The following TMC1 variants were observed in gnomAD, a reference collection of about 807,000 sequenced individuals.
TMC1 encodes the protein transmembrane channel like 1.
TMC1 carries 84 observed loss-of-function variants against 105.8 expected under a neutral mutation model. The observed-to-expected ratio is 0.79, with a 90% CI of 0.67 to 0.95. The LOEUF is 0.95. TMC1 is among the 40% of genes least tolerant of loss of function. The pLI, the probability that TMC1 is intolerant of heterozygous loss-of-function variation, is 0.00. For synonymous variants in TMC1, 315 were observed against 311.5 expected (o/e 1.01, Z -0.12); for missense variants, 817 against 914.1 (o/e 0.89, Z 1.37).
At chr9:72,757,633 A>G (rs1827694041) in intron 12 of TMC1, among the ~76,000 whole-genome samples, 1 of 152,222 alleles carries the variant, frequency 6.6e-6, no homozygotes, top group African/African-American at 2.4e-5. Context: ...ATTTTATCCA[A>G]TATTTTAAGT....
chr9:72,591,432 G>A (rs1197112163), intron 2 of TMC1, among the ~76,000 whole-genome samples: 2 of 152,206 alleles, frequency 1.3e-5, no homozygotes, highest in African/African-American at 4.8e-5. Flanking sequence ...GTAGAAGGAA[G>A]TGTGAATATG....
intron 12 of TMC1, among the ~76,000 whole-genome samples, chr9:72,755,586 C>A (rs1588067728): frequency 6.6e-6 from 1 of 152,222 alleles, no homozygotes; most frequent in East Asian, 1.9e-4. Context: ...CCATTTTGGA[C>A]TATATGATTC....
At chr9:72,630,672 G>T (rs1002415950) in intron 4 of TMC1, among the ~76,000 whole-genome samples, 15 of 152,104 alleles carry the variant, frequency 9.9e-5, no homozygotes, top group Admixed American at 7.9e-4. Flanking sequence ...ATATATGTCT[G>T]CATATGTATC....
intron 2 of TMC1, among the ~76,000 whole-genome samples, chr9:72,582,949 A>C (rs1364774433): frequency 6.6e-6 from 1 of 152,188 alleles, no homozygotes; most frequent in African/African-American, 2.4e-5. Context: ...GGCTGGGCGC[A>C]GTGGTTCATG....
At chr9:72,603,864 T>G (rs1194574876) in intron 2 of TMC1, among the ~76,000 whole-genome samples, 4 of 144,970 alleles carry the variant, frequency 2.8e-5, no homozygotes, top group East Asian at 4.0e-4. Context: ...TTTTTTTTTT[T>G]TTTTTTTTTT....
At chr9:72,525,603 G>A (rs1201445365) in intron 1 of TMC1, among the ~76,000 whole-genome samples, 1 of 152,204 alleles carries the variant, frequency 6.6e-6, no homozygotes, top group Non-Finnish European at 1.5e-5. Flanking sequence ...AGAGCTTGTT[G>A]TAGATGACAA....
chr9:72,687,861 A>C lies in TMC1; in HGVS notation c.17-848A>C, dbSNP rs1826402686. Among the ~76,000 whole-genome samples, 3 of 152,312 alleles carry C rather than the reference A, an allele frequency of 2.0e-5. No individual in the cohort carries two copies. The South Asian group carries it at 6.2e-4, about 32-fold the overall frequency. Reference sequence around the variant, plus strand: ...TGATAAAATTCATGTTTTATAAGCAAGTTAATAGACTTCGATTATTAAGAA... The same window carrying C: ...TGATAAAATTCATGTTTTATAAGCACGTTAATAGACTTCGATTATTAAGAA... On this transcript the variant is annotated intron_variant, in intron 5 of 23. Coordinates refer to ENST00000297784, the MANE Select transcript of TMC1 (RefSeq NM_138691.3).
intron 4 of TMC1, among the ~76,000 whole-genome samples, chr9:72,646,174 GATC>G (rs1825708130): frequency 6.6e-6 from 1 of 152,064 alleles, no homozygotes; most frequent in South Asian, 2.1e-4. Context: ...ATGTACTGAT[GATC>G]ATATTTTGCA....
At chr9:72,753,899 C>G (rs2118063966) in intron 11 of TMC1, among the ~76,000 whole-genome samples, 1 of 152,286 alleles carries the variant, frequency 6.6e-6, no homozygotes, top group South Asian at 2.1e-4. Context: ...AACCCACCTT[C>G]TATTCTGTTC....
chr9:72,566,161 C>T (rs1253371986), intron 1 of TMC1, among the ~76,000 whole-genome samples: 2 of 152,200 alleles, frequency 1.3e-5, no homozygotes, highest in Non-Finnish European at 2.9e-5. Context: ...GCTGGGATTA[C>T]AGGCACGTGC....
chr9:72,803,498 A>G (rs1362437216), intron 17 of TMC1, among the ~76,000 whole-genome samples: 1 of 152,234 alleles, frequency 6.6e-6, no homozygotes, highest in Non-Finnish European at 1.5e-5. Context: ...CAAAGATCTA[A>G]TATCCAGAAT....
intron 5 of TMC1, among the ~76,000 whole-genome samples, chr9:72,665,411 A>G (rs1194568450): frequency 6.6e-6 from 1 of 152,230 alleles, no homozygotes; most frequent in East Asian, 1.9e-4. Flanking sequence ...ATTTTCCTCC[A>G]TTGGTTATAT....
chr9:72,830,653 G>A lies in TMC1; in HGVS notation c.2231G>A (p.Arg744Gln), dbSNP rs756166626. ...MKMQALENKM[R>Q]NKKMAAARAA... is the part of the protein sequence containing the mutation. ...TAGCAAGCTTTGGAGAACAAAATGC[G>A]AAACAAGAAAATGGCAGCTGCACGA... Residue 744 changes from arginine (R) to glutamine (Q), a missense_variant, in exon 23 of 24, where the codon CGA becomes CAA. Physicochemically the swap from Arg to Gln is conservative, Grantham distance 43 (BLOSUM62 1). Coordinates refer to ENST00000297784, the MANE Select transcript of TMC1 (RefSeq NM_138691.3). 3.9e-5 allele frequency: 63 copies of A among 1,613,166 alleles called. No homozygotes were observed. Among genetic ancestry groups the A allele is most frequent in the Non-Finnish European group, 4.6e-5 (54 of 1,179,802 alleles).
At chr9:72,544,799 T>TTTTAA (rs1554710229) in intron 1 of TMC1, among the ~76,000 whole-genome samples, 5 of 150,684 alleles carry the variant, frequency 3.3e-5, no homozygotes, top group African/African-American at 1.2e-4. Flanking sequence ...TTTTTTTTTT[T>TTTTAA]AATTTCAATA....
At chr9:72,573,957 A>G (rs747295889) in intron 1 of TMC1, among the ~76,000 whole-genome samples, 8 of 152,154 alleles carry the variant, frequency 5.3e-5, no homozygotes, top group Non-Finnish European at 1.2e-4. Flanking sequence ...TCCACCCTCA[A>G]GTAGACCCCA....
At chr9:72,621,007 T>C (rs1825239086) in intron 3 of TMC1, among the ~76,000 whole-genome samples, 1 of 152,210 alleles carries the variant, frequency 6.6e-6, no homozygotes, top group Admixed American at 6.5e-5. Context: ...GTCAGTCTAC[T>C]TGGCAACCAA....
chr9:72,822,553 TG>T (rs1377137003), intron 20 of TMC1, among the ~76,000 whole-genome samples: 5 of 151,526 alleles, frequency 3.3e-5, no homozygotes, highest in Admixed American at 6.6e-5. Context: ...TGTGTGTGTG[TG>T]TGTGTGTTTC....
chr9:72,619,473 T>A (rs545636363), intron 3 of TMC1, among the ~76,000 whole-genome samples: 1 of 151,666 alleles, frequency 6.6e-6, no homozygotes, highest in Non-Finnish European at 1.5e-5. Context: ...TTAAATGATC[T>A]AGGTATAAAT....
chr9:72,688,821 T>G lies in TMC1; in HGVS notation c.64+65T>G. ...AATACCAGTAAACTCAAAGAATTTA[T>G]CCTCTTGTGGACTTGAGCTACCATA... On this transcript the variant is annotated intron_variant, in intron 6 of 23. Transcript: ENST00000297784. 3 of 1,381,660 alleles carry G rather than the reference T, an allele frequency of 2.2e-6. No homozygotes were observed. The African/African-American group carries it at 4.3e-5, about 20-fold the overall frequency. The allele number at this position is 1,381,660 out of a possible 1,614,324, so 85.6% of individuals were successfully genotyped here.
Sources: gnomAD v4.1 joint callset for allele counts (sites outside exome capture counted in the v4.1 genomes callset) on GRCh38, gnomAD v4.1.1 for gene constraint, MANE v1.5 for transcripts, NCBI Gene and HGNC (gene_info 2026-07-23, HGNC 2026-07-21) for gene names.